The following FAF1 variants were observed in gnomAD, a reference collection of about 807,000 sequenced individuals.
FAF1 encodes the protein FAS-associated factor 1.
A neutral mutation model predicts 92.5 loss-of-function variants in FAF1; 25 were observed. The observed-to-expected ratio is 0.27, with a 90% CI of 0.20 to 0.38. The LOEUF (loss-of-function observed/expected upper bound fraction) is 0.38, where lower values mean the gene tolerates loss of function less well. FAF1 is among the 10% of genes least tolerant of loss of function. The pLI, the probability that FAF1 is intolerant of heterozygous loss-of-function variation, is 1.00. For synonymous variants in FAF1, 234 were observed against 273.2 expected, an observed-to-expected ratio of 0.86 and a Z score of 1.42; for missense variants, 636 against 793.3, an observed-to-expected ratio of 0.80 and a Z score of 2.38.
intron 8 of FAF1, among the ~76,000 whole-genome samples, chr1:50,643,517 C>A (rs1226501713): frequency 6.6e-6 from 1 of 152,028 alleles, no homozygotes; most frequent in Non-Finnish European, 1.5e-5. Flanking sequence ...TGTTATTTAT[C>A]CCATCCAGTA....
At chr1:50,893,933 C>T (rs994531805) in intron 1 of FAF1, among the ~76,000 whole-genome samples, 1 of 152,054 alleles carries the variant, frequency 6.6e-6, no homozygotes, top group Non-Finnish European at 1.5e-5. Context: ...TACTTCCCTC[C>T]CCTTTCCATA....
intron 8 of FAF1, among the ~76,000 whole-genome samples, chr1:50,646,279 C>T (rs147869382): frequency 6.6e-5 from 10 of 152,268 alleles, no homozygotes; most frequent in Non-Finnish European, 4.4e-5. Context: ...TGGTAAAAAT[C>T]GGCTCACAAT....
chr1:50,752,154 G>A lies in FAF1; in HGVS notation c.368-7379C>T, dbSNP rs1453154837. On this transcript the variant is annotated intron_variant, in intron 4 of 18. Coordinates refer to ENST00000396153, the MANE Select transcript of FAF1 (RefSeq NM_007051.3). ...CCAGCTAACTTTTGCATTTTTAGTA[G>A]AGACGGGGGTCTCGTCCTGTTGGCC... is the stretch of plus-strand genomic sequence containing the variant. Among the ~76,000 whole-genome samples the A allele has an allele frequency of 2.0e-5, 3 of 152,054 alleles. No individual in the cohort carries two copies. In the East Asian group the frequency reaches 5.8e-4, roughly 29 times the overall value.
At chr1:50,595,037 C>T (rs1194370873) in intron 9 of FAF1, among the ~76,000 whole-genome samples, 1 of 151,584 alleles carries the variant, frequency 6.6e-6, no homozygotes, top group Non-Finnish European at 1.5e-5. Context: ...TATGCCATCA[C>T]TATTATTATT....
intron 15 of FAF1, among the ~76,000 whole-genome samples, chr1:50,516,280 C>T (rs1647219181): frequency 6.6e-6 from 1 of 152,164 alleles, no homozygotes; most frequent in South Asian, 2.1e-4. Flanking sequence ...TTCACCTAGC[C>T]TATCCTCATC....
At chr1:50,633,790 C>T (rs898410926) in intron 8 of FAF1, among the ~76,000 whole-genome samples, 1 of 152,180 alleles carries the variant, frequency 6.6e-6, no homozygotes, top group African/African-American at 2.4e-5. Context: ...TAACGATATT[C>T]GTTGCCTGTC....
At chr1:50,572,755 T>C (rs1572842365) in intron 12 of FAF1, among the ~76,000 whole-genome samples, 1 of 152,278 alleles carries the variant, frequency 6.6e-6, no homozygotes, top group Non-Finnish European at 1.5e-5. Context: ...ATGGGAGTAG[T>C]GAGGAAGTAA....
At chr1:50,613,702 A>C (rs1652779011) in intron 8 of FAF1, among the ~76,000 whole-genome samples, 1 of 152,244 alleles carries the variant, frequency 6.6e-6, no homozygotes, top group African/African-American at 2.4e-5. Context: ...AAGTAAATAC[A>C]AGAAATAGTA....
chr1:50,907,983 T>C (rs1037039813), intron 1 of FAF1, among the ~76,000 whole-genome samples: 3 of 152,228 alleles, frequency 2.0e-5, no homozygotes, highest in African/African-American at 4.8e-5. Flanking sequence ...ATTTTAGATC[T>C]TTCCTGCTTT....
intron 1 of FAF1, among the ~76,000 whole-genome samples, chr1:50,859,278 G>T (rs913583312): frequency 5.9e-5 from 9 of 151,802 alleles, no homozygotes; most frequent in Non-Finnish European, 8.8e-5. Context: ...TCAACCAAGA[G>T]AAAGAAATAA....
In FAF1 at chr1:50,438,207, G is replaced by A. The variant is rs1420240304; in HGVS notation, c.*3233C>T. On this transcript the variant is annotated 3_prime_UTR_variant, in exon 19 of 19. Transcript: ENST00000396153. ...ATCTCTGCCCTGCTTCCCTCATAGC[G>A]GGAGACTATTATGATGTGTGAAAGG... is the stretch of plus-strand genomic sequence containing the variant. The A allele has an allele frequency of 2.0e-5, 3 of 152,056 alleles. No homozygotes were observed. Among genetic ancestry groups the A allele is most frequent in the African/African-American group, 4.8e-5 (2 of 41,358 alleles). The allele number at this position is 152,056 out of a possible 1,614,324, so 9.4% of individuals were successfully genotyped here. A position where few individuals can be genotyped will look rare whatever the true frequency, so the allele number is the denominator to read the frequency against.
chr1:50,793,108 G>C (rs114518631), intron 3 of FAF1, among the ~76,000 whole-genome samples: 1,971 of 152,228 alleles, frequency 0.013, 42 homozygotes, highest in African/African-American at 0.043. Flanking sequence ...AGAAACCCCA[G>C]ACTTGGTAGC....
intron 15 of FAF1, among the ~76,000 whole-genome samples, chr1:50,518,885 T>C (rs956535866): frequency 6.6e-6 from 1 of 152,350 alleles, no homozygotes; most frequent in Admixed American, 6.5e-5. Context: ...CTTTGTATTC[T>C]TGACGGCAGT....
intron 2 of FAF1, among the ~76,000 whole-genome samples, chr1:50,819,397 G>A (rs1348017778): frequency 6.6e-6 from 1 of 151,032 alleles, no homozygotes; most frequent in Non-Finnish European, 1.5e-5. Flanking sequence ...GGGAGATCGA[G>A]TGAGCCTAGG....
At chr1:50,846,723 G>C in intron 2 of FAF1, 2 of 639,816 alleles carry the variant, frequency 3.1e-6, no homozygotes, top group Non-Finnish European at 5.9e-6. Flanking sequence ...TCCAAACGTA[G>C]ATGTGATTAG....
intron 15 of FAF1, among the ~76,000 whole-genome samples, chr1:50,534,043 C>T (rs1342996847): frequency 1.3e-5 from 2 of 152,134 alleles, no homozygotes; most frequent in Non-Finnish European, 1.5e-5. Flanking sequence ...CTCTACACAG[C>T]TTTTTGCCCA....
At chr1:50,944,269 GA>G (rs1645156983) in intron 1 of FAF1, among the ~76,000 whole-genome samples, 1 of 152,246 alleles carries the variant, frequency 6.6e-6, no homozygotes, top group Admixed American at 6.5e-5. Context: ...AGGGATGGCA[GA>G]CCCAGCAGTC....
intron 14 of FAF1, among the ~76,000 whole-genome samples, chr1:50,536,118 CT>C (rs1378611193): frequency 2.0e-5 from 3 of 152,076 alleles, no homozygotes; most frequent in African/African-American, 4.8e-5. Flanking sequence ...AAAAAGATTT[CT>C]TTTTTTGCCC....
At chr1:50,832,100 A>G (rs1348964198) in intron 2 of FAF1, among the ~76,000 whole-genome samples, 2 of 152,120 alleles carry the variant, frequency 1.3e-5, no homozygotes, top group South Asian at 2.1e-4. Context: ...CTGATTCTAC[A>G]TCATGGTGAG....
Sources: allele counts gnomAD v4.1 joint callset (sites outside exome capture counted in the v4.1 genomes callset), GRCh38; gene constraint gnomAD v4.1.1; transcripts MANE v1.5; gene names NCBI Gene and HGNC (gene_info 2026-07-23, HGNC 2026-07-21).